FLT1: variants seen among roughly 807,000 people sequenced by gnomAD.
FLT1 encodes fms related receptor tyrosine kinase 1.
In FLT1, 49 loss-of-function variants were observed where a neutral mutation model predicts 156.3. The observed-to-expected ratio is 0.31, with a 90% CI of 0.25 to 0.40. The LOEUF (loss-of-function observed/expected upper bound fraction) is 0.40, where lower values mean the gene tolerates loss of function less well. FLT1 is among the 10% of genes least tolerant of loss of function. The pLI is 1.00. For missense variants in FLT1, 1,322 were observed against 1,637.2 expected (o/e 0.81, Z 3.32); for synonymous variants, 594 against 583.8 (o/e 1.02, Z -0.25).
chr13:28,416,105 G>C (rs1013244848), intron 10 of FLT1, among the ~76,000 whole-genome samples: 1 of 152,202 alleles, frequency 6.6e-6, no homozygotes, highest in Admixed American at 6.5e-5. Flanking sequence ...CACCTATTAT[G>C]ACATTTAACT....
chr13:28,349,462 G>A (rs1297040363), intron 15 of FLT1, among the ~76,000 whole-genome samples: 2 of 113,106 alleles, frequency 1.8e-5, no homozygotes, highest in African/African-American at 6.4e-5. Context: ...ACACACACAT[G>A]CGCACACGCA....
At chr13:28,494,512 G>A (rs1231938967) in intron 1 of FLT1, among the ~76,000 whole-genome samples, 6 of 152,182 alleles carry the variant, frequency 3.9e-5, no homozygotes, top group Admixed American at 3.9e-4. Context: ...CGATCCTGTC[G>A]CAAACGGACA....
At chr13:28,311,811 C>G in intron 26 of FLT1, 79 bp from the exon 27 acceptor site, 1 of 1,488,052 alleles carries the variant, frequency 6.7e-7, no homozygotes. Context: ...TCAACTTTGA[C>G]TATGTCATTT....
At position 28,473,665 on chromosome 13, in the gene FLT1, GAAAGAA is replaced by G. The variant is rs200344415; in HGVS notation, c.65-6054_65-6049del. On this transcript the variant is annotated intron_variant, in intron 1 of 29. Transcript: ENST00000282397. The stretch of plus-strand genomic sequence containing the variant: ...ATCTCAAAAGAAAGAAAGAAAGAAA[GAAAGAA>G]AGAGAGAGAGAGAGAGAGAGAGAAA... Among the ~76,000 whole-genome samples the G allele has an allele frequency of 8.7e-4, 108 of 124,832 alleles. 1 individual carries two copies. The highest frequency in any genetic ancestry group is 3.2e-3 in the African/African-American group (105 of 33,252). 81.9% of individuals were successfully genotyped at this position (124,832 alleles called of 152,430 possible). A position where few individuals can be genotyped will look rare whatever the true frequency, so the allele number is the denominator to read the frequency against.
chr13:28,439,072 T>G lies in FLT1; in HGVS notation c.389-727A>C, dbSNP rs1279393024. On this transcript the variant is annotated intron_variant, in intron 3 of 29. Transcript: ENST00000282397. The surrounding 1 kb of genome is among the most constrained non-coding windows in gnomAD (Gnocchi z 4.1). The stretch of plus-strand genomic sequence containing the variant: ...GGAAAAGACTTTAAGCACCAATACT[T>G]CCTTAAAAAGCGTGGCATTTGGCCA... 6.6e-6 allele frequency among the ~76,000 whole-genome samples: 1 copy of G among 152,282 alleles called. No homozygotes were observed.
At chr13:28,374,155 C>G (rs1330149667) in intron 14 of FLT1, among the ~76,000 whole-genome samples, 1 of 152,058 alleles carries the variant, frequency 6.6e-6, no homozygotes, top group Non-Finnish European at 1.5e-5. Flanking sequence ...TAATTGTACA[C>G]TTTAAAATGG....
At chr13:28,385,618 G>T (rs1370501623) in intron 13 of FLT1, 1 of 1,015,354 alleles carries the variant, frequency 9.8e-7, no homozygotes, top group Non-Finnish European at 1.2e-6. Context: ...AGCAACCAAA[G>T]AATTAATTCA....
intron 8 of FLT1, 146 bp downstream of exon 8, chr13:28,429,904 C>T: frequency 2.7e-6 from 2 of 735,828 alleles, no homozygotes; most frequent in Non-Finnish European, 5.0e-6. Context: ...CCTCCACCAC[C>T]CAAGAATCTA....
chr13:28,368,860 A>G (rs1027264374), intron 14 of FLT1, among the ~76,000 whole-genome samples: 2 of 151,898 alleles, frequency 1.3e-5, no homozygotes, highest in East Asian at 2.0e-4. Flanking sequence ...GCCCACCACC[A>G]TACCCGGCTA....
At chr13:28,463,938 A>T (rs538247314) in intron 3 of FLT1, among the ~76,000 whole-genome samples, 1 of 145,178 alleles carries the variant, frequency 6.9e-6, no homozygotes, top group African/African-American at 2.5e-5. Flanking sequence ...ACAGGAAACA[A>T]ATAACAAAAT....
At chr13:28,323,067 C>A (rs1040476898) in intron 20 of FLT1, 121 bp from the exon 21 acceptor site, 2 of 1,059,744 alleles carry the variant, frequency 1.9e-6, no homozygotes, top group South Asian at 2.5e-5. Flanking sequence ...CAAAATGGAT[C>A]GTGAACTAGC....
Position 28,467,029 on chromosome 13 carries a change from ATTG to A in FLT1, c.259_261del (p.Gln87del). 1.9e-6 allele frequency: 3 copies of A among 1,614,132 alleles called. No homozygotes were observed. The highest frequency in any genetic ancestry group is 2.5e-6 in the Non-Finnish European group (3 of 1,179,972). On this transcript the variant is annotated inframe_deletion, in exon 3 of 30. Coordinates refer to ENST00000282397, the MANE Select transcript of FLT1 (RefSeq NM_002019.4). ...GTGTTCAAGGTTAAAGTACTGCAGA[ATTG>A]TTTGCCATTTCTTCCACAGGCAGAT...
At chr13:28,414,912 CT>C (rs1368260159) in intron 10 of FLT1, among the ~76,000 whole-genome samples, 1 of 152,206 alleles carries the variant, frequency 6.6e-6, no homozygotes, top group Non-Finnish European at 1.5e-5. Flanking sequence ...ACATACACCC[CT>C]GACCTAAGCA....
intron 15 of FLT1, among the ~76,000 whole-genome samples, chr13:28,351,784 A>G (rs189070636): frequency 1.3e-5 from 2 of 152,264 alleles, no homozygotes; most frequent in Non-Finnish European, 2.9e-5. Flanking sequence ...TCTGTGGCTT[A>G]GAACACCTTT....
chr13:28,387,837 G>C, intron 13 of FLT1: 2 of 1,026,136 alleles, frequency 1.9e-6, no homozygotes, highest in Non-Finnish European at 2.3e-6. Flanking sequence ...TCTCCGGAAG[G>C]ATTAATTACA....
chr13:28,450,508 G>A (rs1878872231), intron 3 of FLT1, among the ~76,000 whole-genome samples: 1 of 151,792 alleles, frequency 6.6e-6, no homozygotes, highest in African/African-American at 2.4e-5. Context: ...AAAAGAGAAA[G>A]GGAGAAGGGA....
intron 14 of FLT1, among the ~76,000 whole-genome samples, chr13:28,365,667 A>T (rs1032078029): frequency 1.3e-5 from 2 of 152,106 alleles, no homozygotes; most frequent in Non-Finnish European, 2.9e-5. Context: ...TCACTTATAA[A>T]CATGATACTC....
intron 3 of FLT1, among the ~76,000 whole-genome samples, chr13:28,441,628 G>A (rs1878339221): frequency 6.6e-6 from 1 of 152,008 alleles, no homozygotes; most frequent in Non-Finnish European, 1.5e-5. Context: ...ATAGGAAAAA[G>A]GATTGGAAAC....
intron 3 of FLT1, among the ~76,000 whole-genome samples, chr13:28,452,824 C>A (rs1879025144): frequency 6.6e-6 from 1 of 151,764 alleles, no homozygotes; most frequent in South Asian, 2.1e-4. Flanking sequence ...ACTTCATGCT[C>A]ACAACCCTAT....
Sources: gnomAD v4.1 joint callset for allele counts (sites outside exome capture counted in the v4.1 genomes callset) on GRCh38, gnomAD v4.1.1 for gene constraint, Gnocchi (gnomAD v3.1) non-coding constraint, MANE v1.5 for transcripts, NCBI Gene and HGNC (gene_info 2026-07-23, HGNC 2026-07-21) for gene names.